COMMD1: variants seen among roughly 807,000 people sequenced by gnomAD.
The protein encoded by COMMD1 is copper metabolism domain containing 1.
COMMD1 carries 10 observed loss-of-function variants against 17.2 expected under a neutral mutation model. That is an observed-to-expected ratio of 0.58 (90% CI 0.36 to 0.99). The LOEUF (loss-of-function observed/expected upper bound fraction) is 0.99, where lower values mean the gene tolerates loss of function less well. COMMD1 is among the 50% of genes least tolerant of loss of function. The pLI is 0.01. For missense variants in COMMD1, 270 were observed against 231.8 expected, an observed-to-expected ratio of 1.17 and a Z score of -1.07; for synonymous variants, 97 against 91.6, an observed-to-expected ratio of 1.06 and a Z score of -0.34.
At chr2:61,956,050 A>G (rs1403131354) in intron 1 of COMMD1, among the ~76,000 whole-genome samples, 4 of 152,244 alleles carry the variant, frequency 2.6e-5, no homozygotes, top group Non-Finnish European at 5.9e-5. Context: ...TATGTAGCAC[A>G]TAAACAGATA....
intron 1 of COMMD1, among the ~76,000 whole-genome samples, chr2:61,963,190 T>TACACACACACACACACACACAC (rs375894719): frequency 2.2e-5 from 3 of 136,376 alleles, no homozygotes; most frequent in African/African-American, 8.8e-5. Flanking sequence ...ATATATTATA[T>TACACACACACACACACACACAC]ACACACACAC....
intron 2 of COMMD1, among the ~76,000 whole-genome samples, chr2:62,085,841 C>T (rs1573165161): frequency 6.6e-6 from 1 of 151,896 alleles, no homozygotes; most frequent in East Asian, 2.0e-4. Flanking sequence ...ATTAGCGGGG[C>T]ATGGTGGCGG....
chr2:61,922,025 A>G (rs1670212184), intron 1 of COMMD1, among the ~76,000 whole-genome samples: 1 of 152,180 alleles, frequency 6.6e-6, no homozygotes, highest in African/African-American at 2.4e-5. Flanking sequence ...ATTTGTTACC[A>G]TTTTATTATA....
At chr2:61,995,772 G>A (rs1161583907) in intron 1 of COMMD1, among the ~76,000 whole-genome samples, 1 of 152,154 alleles carries the variant, frequency 6.6e-6, no homozygotes, top group Non-Finnish European at 1.5e-5. Context: ...TGAAGCTTCA[G>A]TTTCCTTTTC....
At chr2:62,092,319 T>C (rs1247057340) in intron 2 of COMMD1, among the ~76,000 whole-genome samples, 2 of 152,120 alleles carry the variant, frequency 1.3e-5, no homozygotes, top group East Asian at 1.9e-4. Flanking sequence ...TGGGAGTTAT[T>C]TGAGGGTTCA....
chr2:62,002,556 A>C (rs965161217), intron 2 of COMMD1, among the ~76,000 whole-genome samples: 5 of 147,584 alleles, frequency 3.4e-5, no homozygotes, highest in Admixed American at 2.0e-4. Flanking sequence ...GGCCAGGCGC[A>C]GTGGCTCATC....
intron 1 of COMMD1, among the ~76,000 whole-genome samples, chr2:61,952,634 A>T (rs1306428632): frequency 2.6e-5 from 4 of 152,144 alleles, no homozygotes; most frequent in African/African-American, 9.7e-5. Context: ...TTTTCCAGGA[A>T]AACTCTGCCT....
intron 2 of COMMD1, among the ~76,000 whole-genome samples, chr2:62,111,503 C>T (rs1672453740): frequency 6.6e-6 from 1 of 152,136 alleles, no homozygotes; most frequent in Non-Finnish European, 1.5e-5. Context: ...TTCTTATTGG[C>T]CTGTCTGTAT....
chr2:62,097,847 C>T (rs1264829085), intron 2 of COMMD1, among the ~76,000 whole-genome samples: 1 of 152,132 alleles, frequency 6.6e-6, no homozygotes, highest in Non-Finnish European at 1.5e-5. Context: ...ATGGCTATTT[C>T]TACTTCTCCT....
intron 2 of COMMD1, among the ~76,000 whole-genome samples, chr2:62,037,602 T>G (rs186475712): frequency 1.9e-4 from 29 of 152,350 alleles, no homozygotes; most frequent in Non-Finnish European, 3.8e-4. Context: ...GGAGATAACT[T>G]TTAATGGTTT....
At chr2:62,043,311 A>G (rs755872124) in intron 2 of COMMD1, among the ~76,000 whole-genome samples, 3 of 152,164 alleles carry the variant, frequency 2.0e-5, no homozygotes, top group Non-Finnish European at 4.4e-5. Flanking sequence ...GTTCATTGCT[A>G]TTTCATATTT....
Position 61,949,228 on chromosome 2 carries a change from GT to G in COMMD1, c.180+43374del, listed in dbSNP as rs1221766113. Among the ~76,000 whole-genome samples the G allele has an allele frequency of 9.2e-5, 14 of 152,302 alleles. No individual in the cohort carries two copies. The East Asian group carries it at 2.5e-3, about 27-fold the overall frequency. On this transcript the variant is annotated intron_variant, in intron 1 of 2. Coordinates refer to ENST00000311832, the MANE Select transcript of COMMD1 (RefSeq NM_152516.4). ...CGTGGCAGAGCATATAGTCAGCAGG[GT>G]TTTGACAAGGAAGGGTTTCAGTTGA...
chr2:62,029,749 A>T (rs1231471824), intron 2 of COMMD1, among the ~76,000 whole-genome samples: 1 of 152,200 alleles, frequency 6.6e-6, no homozygotes, highest in Non-Finnish European at 1.5e-5. Context: ...AGACCTAGAA[A>T]AGGTTCTCTC....
chr2:62,073,987 G>A (rs1229410357), intron 2 of COMMD1, among the ~76,000 whole-genome samples: 2 of 152,148 alleles, frequency 1.3e-5, no homozygotes, highest in Admixed American at 1.3e-4. Context: ...ATGAGCCACC[G>A]TGCTAAGCTA....
chr2:62,075,577 G>T (rs1466058911), intron 2 of COMMD1, among the ~76,000 whole-genome samples: 1 of 152,120 alleles, frequency 6.6e-6, no homozygotes, highest in Non-Finnish European at 1.5e-5. Context: ...CTCTTTTGTA[G>T]TTGAACAGAA....
intron 2 of COMMD1, among the ~76,000 whole-genome samples, chr2:62,011,457 T>G (rs1290129895): frequency 6.6e-6 from 1 of 152,206 alleles, no homozygotes; most frequent in Non-Finnish European, 1.5e-5. Flanking sequence ...CTATTTTACT[T>G]ATTAATCTTG....
intron 2 of COMMD1, among the ~76,000 whole-genome samples, chr2:62,037,624 C>G (rs1670076492): frequency 6.6e-6 from 1 of 152,080 alleles, no homozygotes; most frequent in Non-Finnish European, 1.5e-5. Context: ...CATTTTGCTC[C>G]TTGGAGTTAT....
upstream of COMMD1, among the ~76,000 whole-genome samples, chr2:61,904,667 A>G (rs1025011080): frequency 6.6e-6 from 1 of 152,272 alleles, no homozygotes; most frequent in Non-Finnish European, 1.5e-5. Flanking sequence ...ATGATAAATT[A>G]CAATTAGGTC....
chr2:62,073,957 A>C (rs1311385636), intron 2 of COMMD1, among the ~76,000 whole-genome samples: 1 of 152,182 alleles, frequency 6.6e-6, no homozygotes, highest in African/African-American at 2.4e-5. Context: ...TTGGCCTCCT[A>C]AAGTGTTAGG....
Sources: gnomAD v4.1 joint callset for allele counts (sites outside exome capture counted in the v4.1 genomes callset) on GRCh38, gnomAD v4.1.1 for gene constraint, MANE v1.5 for transcripts, NCBI Gene and HGNC (gene_info 2026-07-23, HGNC 2026-07-21) for gene names.